The following PRRC2B variants were observed in gnomAD, a reference collection of about 807,000 sequenced individuals.
The protein encoded by PRRC2B is protein PRRC2B.
PRRC2B carries 68 observed loss-of-function variants against 242.3 expected under a neutral mutation model. The observed-to-expected ratio is 0.28, with a 90% CI of 0.23 to 0.34. The LOEUF (loss-of-function observed/expected upper bound fraction) is 0.34. Among genes scored for constraint, PRRC2B ranks in the 10% least tolerant of loss-of-function variants. PRRC2B has a pLI of 1.00. For missense variants in PRRC2B, 2,835 were observed against 2,954.8 expected, an observed-to-expected ratio of 0.96 and a Z score of 0.94; for synonymous variants, 1,228 against 1,173.6, an observed-to-expected ratio of 1.05 and a Z score of -0.95.
At position 131,475,530 on chromosome 9, in the gene PRRC2B, C is replaced by T. The variant is rs1341306030; in HGVS notation, c.3401C>T (p.Thr1134Ile). Residue 1134 changes from threonine to isoleucine, a missense_variant, in exon 16 of 32, where the codon ACC (threonine) becomes ATC (isoleucine). This residue lies in a region of PRRC2B where 1,536 missense variants were observed against 1,483.1 expected (regional missense o/e 1.04). Coordinates refer to ENST00000683519, the MANE Select transcript of PRRC2B (RefSeq NM_013318.4). ...AKPRRRVASE[T>I]HSEGSEYEEL... ...CCCCGACGGAGAGTTGCCAGTGAGACCCATAGCGAGGGCTCAGAGTATGAA... is the reference window on the plus strand; with the variant it reads ...CCCCGACGGAGAGTTGCCAGTGAGATCCATAGCGAGGGCTCAGAGTATGAA... 2 of 1,611,980 alleles carry T rather than the reference C, an allele frequency of 1.2e-6. No individual in the cohort carries two copies. The highest frequency in any genetic ancestry group is 1.7e-6 in the Non-Finnish European group (2 of 1,179,510).
At position 131,394,137 on chromosome 9, in the gene PRRC2B, G is replaced by A. The variant is rs1289966732; in HGVS notation, c.-178G>A. The A allele has an allele frequency of 6.7e-6, 1 of 149,228 alleles. No individual in the cohort carries two copies. Among genetic ancestry groups the A allele is most frequent in the Non-Finnish European group, 1.5e-5 (1 of 66,544 alleles). The allele number at this position is 149,228 out of a possible 1,614,324, so 9.2% of individuals were successfully genotyped here. A position where few individuals can be genotyped will look rare whatever the true frequency, so the allele number is the denominator to read the frequency against. ...CAGCGACGAGCGAGCCCGGGAGGAGGGAGGGAGCGAGCGAGCGAGCAGCCC... is the reference window on the plus strand; with the variant it reads ...CAGCGACGAGCGAGCCCGGGAGGAGAGAGGGAGCGAGCGAGCGAGCAGCCC... On this transcript the variant is annotated 5_prime_UTR_variant, in exon 1 of 32. Transcript: ENST00000683519.
At chr9:131,406,106 G>C (rs1297457689) in intron 1 of PRRC2B, among the ~76,000 whole-genome samples, 2 of 152,066 alleles carry the variant, frequency 1.3e-5, no homozygotes, top group African/African-American at 4.8e-5. Flanking sequence ...GGGCCCGGGG[G>C]TTTGGAGCAG....
rs572600129 is a variant in PRRC2B, at chr9:131,425,479, T to TTTG, written c.-51-4594_-51-4592dup. Among the ~76,000 whole-genome samples the TTTG allele has an allele frequency of 4.0e-3, 599 of 151,572 alleles. 3 individuals are homozygous for TTTG. The highest frequency in any genetic ancestry group is 7.4e-3 in the African/African-American group (305 of 41,356). ...AGGGCAAACAGCTTTTAAGAGGACT[T>TTTG]TTGTTGTTGTTGTTGTTGTTGTTTT... On this transcript the variant is annotated intron_variant, in intron 1 of 31. Transcript: ENST00000683519.
At chr9:131,486,467 T>A in intron 26 of PRRC2B, 3 of 985,258 alleles carry the variant, frequency 3.0e-6, no homozygotes, top group Non-Finnish European at 3.6e-6. Context: ...AATGGAATTT[T>A]CTTTGGTGAT....
At chr9:131,407,477 G>T (rs908631732) in intron 1 of PRRC2B, among the ~76,000 whole-genome samples, 1 of 152,162 alleles carries the variant, frequency 6.6e-6, no homozygotes, top group South Asian at 2.1e-4. Context: ...TGCCCTTGGC[G>T]TAGTAATCCC....
chr9:131,379,065 G>A (rs1397539754), intron 1 of PRRC2B, among the ~76,000 whole-genome samples: 1 of 151,988 alleles, frequency 6.6e-6, no homozygotes, highest in Non-Finnish European at 1.5e-5. Flanking sequence ...TGGACATTTT[G>A]TACAAAGGGA....
At chr9:131,460,942 C>T (rs976315233) in intron 11 of PRRC2B, among the ~76,000 whole-genome samples, 1 of 152,096 alleles carries the variant, frequency 6.6e-6, no homozygotes, top group African/African-American at 2.4e-5. Context: ...CGGACAGTTG[C>T]GGGGAATGTA....
rs991624438 is a variant in PRRC2B, at chr9:131,436,470, A to G, written c.294-150A>G. On this transcript the variant is annotated intron_variant, in intron 3 of 31. Transcript: ENST00000683519. Reference sequence around the variant, plus strand: ...TGTTTTCTTATTAGTTTTTGCCAGCATAAGAATCTACTGGGGAAAGTCGTA... The same window carrying G: ...TGTTTTCTTATTAGTTTTTGCCAGCGTAAGAATCTACTGGGGAAAGTCGTA... 1.7e-5 allele frequency: 10 copies of G among 574,106 alleles called. 1 individual carries two copies. The highest frequency in any genetic ancestry group is 1.1e-4 in the African/African-American group (6 of 53,564). 35.6% of individuals were successfully genotyped at this position (574,106 alleles called of 1,614,324 possible).
upstream of PRRC2B, chr9:131,394,016 GGAGGAGGAC>G: frequency 6.6e-6 from 1 of 150,804 alleles, no homozygotes; most frequent in Non-Finnish European, 1.5e-5. Flanking sequence ...GGCGGCGGGA[GGAGGAGGAC>G]GAGGAGGCGG....
chr9:131,387,396 C>T (rs2478849), intron 1 of PRRC2B, among the ~76,000 whole-genome samples: 84,938 of 148,518 alleles, frequency 0.57, 28,270 homozygotes, highest in East Asian at 0.9. Flanking sequence ...CTGCCTTCCC[C>T]GGCCACTGAC....
In PRRC2B at chr9:131,476,436, A is replaced by T; in HGVS notation, c.4307A>T (p.Glu1436Val). Reference protein sequence around the residue: ...PVVDRQSRKLEPGGFGEKPVR... With the variant: ...PVVDRQSRKLVPGGFGEKPVR... ...GTTGACAGACAGAGCCGAAAGCTGG[A>T]GCCGGGAGGGTTTGGGGAGAAGCCC... is the stretch of plus-strand genomic sequence containing the variant. Residue 1436 changes from glutamate to valine, a missense_variant, in exon 16 of 32, where the codon GAG (glutamate) becomes GTG (valine). Physicochemically the swap from Glu to Val is moderately radical, Grantham distance 121. Coordinates refer to ENST00000683519, the MANE Select transcript of PRRC2B (RefSeq NM_013318.4). 1 of 1,612,708 alleles carries T rather than the reference A, an allele frequency of 6.2e-7. No homozygotes were observed. The highest frequency in any genetic ancestry group is 8.5e-7 in the Non-Finnish European group (1 of 1,179,472).
Position 131,475,634 on chromosome 9 carries a change from T to C in PRRC2B, c.3505T>C (p.Leu1169=). The change falls in exon 16 of 32, where the codon TTG becomes CTG. Residue 1169 remains leucine (L), a synonymous_variant. Coordinates refer to ENST00000683519, the MANE Select transcript of PRRC2B (RefSeq NM_013318.4). ...GCTCCTGGAGAGGGAGGAGAGCACC[T>C]TGAAGAAGGGCGACTGCAGAGATTC... ...GSLLEREEST[L]KKGDCRDSWR... 1 of 1,611,364 alleles carries C rather than the reference T, an allele frequency of 6.2e-7. No individual in the cohort carries two copies. Among genetic ancestry groups the C allele is most frequent in the East Asian group, 2.2e-5 (1 of 44,840 alleles).
At chr9:131,401,974 ATTG>A (rs1010656957) in intron 1 of PRRC2B, among the ~76,000 whole-genome samples, 21 of 138,028 alleles carry the variant, frequency 1.5e-4, no homozygotes, top group East Asian at 8.9e-4. Context: ...TTTTTGTATT[ATTG>A]TTATTATTTT....
At chr9:131,417,259 G>A (rs1837683666) in intron 1 of PRRC2B, among the ~76,000 whole-genome samples, 1 of 152,174 alleles carries the variant, frequency 6.6e-6, no homozygotes. Context: ...AGCAGCAGAA[G>A]TGGGGGGCCT....
chr9:131,406,098 G>GC (rs1455082766), intron 1 of PRRC2B, among the ~76,000 whole-genome samples: 2 of 152,102 alleles, frequency 1.3e-5, no homozygotes, highest in African/African-American at 4.8e-5. Flanking sequence ...CTCCCCGGGG[G>GC]CCCGGGGGTT....
chr9:131,403,704 A>G (rs184656970), intron 1 of PRRC2B, among the ~76,000 whole-genome samples: 1 of 152,030 alleles, frequency 6.6e-6, no homozygotes, highest in African/African-American at 2.4e-5. Context: ...AAGTGTTTGA[A>G]GAGAAATGAA....
chr9:131,468,132 G>C (rs1056922739), intron 13 of PRRC2B, among the ~76,000 whole-genome samples: 1 of 152,232 alleles, frequency 6.6e-6, no homozygotes, highest in Non-Finnish European at 1.5e-5. Flanking sequence ...TTAGAGGACA[G>C]TGTTTCCCAC....
intron 30 of PRRC2B, 69 bp downstream of exon 30, chr9:131,492,329 C>A: frequency 1.5e-6 from 2 of 1,296,560 alleles, no homozygotes; most frequent in Non-Finnish European, 1.1e-6. Flanking sequence ...CCCAGTGACT[C>A]AGAAGAATCT....
At chr9:131,420,634 C>T (rs12002591) in intron 1 of PRRC2B, among the ~76,000 whole-genome samples, 2,482 of 150,402 alleles carry the variant, frequency 0.017, 77 homozygotes, top group African/African-American at 0.058. Context: ...GGATTACAGG[C>T]ATGCACTACC....
Sources: allele counts gnomAD v4.1 joint callset (sites outside exome capture counted in the v4.1 genomes callset), GRCh38; gene constraint gnomAD v4.1.1; regional missense constraint gnomAD v4.1.1; transcripts MANE v1.5; gene names NCBI Gene and HGNC (gene_info 2026-07-23, HGNC 2026-07-21).